COL16A1: variants seen among roughly 807,000 people sequenced by gnomAD.
COL16A1 encodes collagen type XVI alpha 1 chain.
COL16A1 carries 189 observed loss-of-function variants against 266.3 expected under a neutral mutation model. That is an observed-to-expected ratio of 0.71 (90% CI 0.63 to 0.80). COL16A1 has a LOEUF of 0.80. COL16A1 is among the 30% of genes least tolerant of loss of function. The pLI, the probability that COL16A1 is intolerant of heterozygous loss-of-function variation, is 0.00. For synonymous variants in COL16A1, 740 were observed against 782.3 expected, an observed-to-expected ratio of 0.95 and a Z score of 0.90; for missense variants, 1,928 against 2,122.4, an observed-to-expected ratio of 0.91 and a Z score of 1.80.
At chr1:31,702,283 A>C in intron 1 of COL16A1, 56 bp from the exon 2 acceptor site, 2 of 1,575,462 alleles carry the variant, frequency 1.3e-6, no homozygotes, top group Non-Finnish European at 1.7e-6. Context: ...GCACAACTCC[A>C]CACGTGGGCA....
rs754604639 is a variant in COL16A1 at position 31,686,346 on chromosome 1, C to T, written c.1804-67G>A. 9 of 1,608,702 alleles carry T rather than the reference C, an allele frequency of 5.6e-6. No homozygotes were observed. The African/African-American group carries it at 1.2e-4, about 21-fold the overall frequency. ...GTCTGGGTGCTAGAGCAATCCCAAACCCAAAACTGTAAAAGCAACCCCTTC... is the reference window on the plus strand; with the variant it reads ...GTCTGGGTGCTAGAGCAATCCCAAATCCAAAACTGTAAAAGCAACCCCTTC... On this transcript the variant is annotated intron_variant, in intron 26 of 70. Transcript: ENST00000373672.
chr1:31,702,360 G>A (rs1157112508), intron 1 of COL16A1, 133 bp from the exon 2 acceptor site: 4 of 861,324 alleles, frequency 4.6e-6, no homozygotes, highest in Non-Finnish European at 7.3e-6. Flanking sequence ...CCAGGCATCA[G>A]TCTCTCTCAG....
In COL16A1 at chr1:31,670,841, C is replaced by G. The variant is rs1454963236; in HGVS notation, c.3151-195G>C. Among the ~76,000 whole-genome samples the G allele has an allele frequency of 6.6e-6, 1 of 152,220 alleles. No homozygotes were observed. Among genetic ancestry groups the G allele is most frequent in the Non-Finnish European group, 1.5e-5 (1 of 68,036 alleles). ...CTCCCCTTGGCTCCAGGAAGAATGG[C>G]TCCTCCGTTGACGGAGATGCGGAAT... On this transcript the variant is annotated intron_variant, in intron 48 of 70. Transcript: ENST00000373672. The surrounding 1 kb of genome is among the most constrained non-coding windows in gnomAD (Gnocchi z 4.5).
intron 58 of COL16A1, 73 bp downstream of exon 58, chr1:31,662,261 G>A (rs1641735623): frequency 3.8e-6 from 6 of 1,568,748 alleles, no homozygotes; most frequent in Non-Finnish European, 5.2e-6. Context: ...TTTCCATCAG[G>A]GTTCCCTTGA....
rs1046314964 is a variant in COL16A1, at chr1:31,668,498, G to A, written c.3250-280C>T. On this transcript the variant is annotated intron_variant, in intron 50 of 70. Transcript: ENST00000373672. The surrounding 1 kb of genome is among the most constrained non-coding windows in gnomAD (Gnocchi z 5.8). ...AGCAGGCATGAGGACCAGGGAAGAG[G>A]GGGTGGGCTGGGATGCTGAGTGACA... 2.0e-5 allele frequency among the ~76,000 whole-genome samples: 3 copies of A among 152,208 alleles called. No individual in the cohort carries two copies. The highest frequency in any genetic ancestry group is 2.9e-5 in the Non-Finnish European group (2 of 68,026).
chr1:31,692,964 C>A (rs1051519791), intron 13 of COL16A1, 128 bp downstream of exon 13: 3 of 946,840 alleles, frequency 3.2e-6, no homozygotes, highest in Admixed American at 2.1e-5. Context: ...CTGGCCCTCA[C>A]CCCCCTCCCG....
intron 60 of COL16A1, 119 bp from the exon 61 acceptor site, chr1:31,661,238 A>C: frequency 6.8e-7 from 1 of 1,471,680 alleles, no homozygotes; most frequent in Non-Finnish European, 9.3e-7. Context: ...AGGCCCTCTG[A>C]TGCCCTCCAG....
At chr1:31,665,446 C>A in intron 55 of COL16A1, 137 bp downstream of exon 55, 1 of 1,528,124 alleles carries the variant, frequency 6.5e-7, no homozygotes, top group African/African-American at 1.4e-5. Flanking sequence ...GGAATCAGGC[C>A]TGGCCACCCA....
At chr1:31,684,497 G>T (rs763451573) in intron 31 of COL16A1, 26 bp downstream of exon 31, 2 of 1,598,634 alleles carry the variant, frequency 1.3e-6, no homozygotes, top group Non-Finnish European at 1.7e-6. Context: ...CAAACTCCCC[G>T]ACCCCAACCA....
intron 26 of COL16A1, among the ~76,000 whole-genome samples, chr1:31,687,378 T>C (rs1570534673): frequency 1.7e-5 from 2 of 114,594 alleles, no homozygotes; most frequent in African/African-American, 7.5e-5. Context: ...TGAGACTCAG[T>C]CTCAAAAAAA....
At chr1:31,667,521 A>T in intron 52 of COL16A1, 54 bp downstream of exon 52, 1 of 1,473,534 alleles carries the variant, frequency 6.8e-7, no homozygotes, top group Non-Finnish European at 9.3e-7. Flanking sequence ...CCAGCCCGAG[A>T]CTGTGTGGCT....
intron 63 of COL16A1, 41 bp from the exon 64 acceptor site, chr1:31,658,618 A>G: frequency 1.3e-6 from 2 of 1,530,214 alleles, no homozygotes; most frequent in Non-Finnish European, 1.8e-6. Context: ...GGAGGAAAGC[A>G]GGCAAAGTGG....
chr1:31,668,557 G>A lies in COL16A1; in HGVS notation c.3249+245C>T, dbSNP rs1231153231. ...GGGAGGGAGGGGAGCCCCCAGGGAC[G>A]CTGCTGGAGGACAGGGGCTGTGCAT... On this transcript the variant is annotated intron_variant, in intron 50 of 70. Coordinates refer to ENST00000373672, the MANE Select transcript of COL16A1 (RefSeq NM_001856.4). The surrounding 1 kb of genome is among the most constrained non-coding windows in gnomAD (Gnocchi z 5.8). Among the ~76,000 whole-genome samples, 3 of 152,174 alleles carry A rather than the reference G, an allele frequency of 2.0e-5. No homozygotes were observed. Among genetic ancestry groups the A allele is most frequent in the Admixed American group, 6.5e-5 (1 of 15,286 alleles).
At chr1:31,694,348 G>C (rs960308383) in intron 11 of COL16A1, among the ~76,000 whole-genome samples, 178 bp from the exon 12 acceptor site, 1 of 152,210 alleles carries the variant, frequency 6.6e-6, no homozygotes, top group Non-Finnish European at 1.5e-5. Context: ...TCCTCAGCCT[G>C]TAACATTTGC....
chr1:31,698,614 T>A lies in COL16A1; in HGVS notation c.267-8A>T, dbSNP rs748851295. The A allele has an allele frequency of 6.2e-7, 1 of 1,613,624 alleles. No homozygotes were observed. Among genetic ancestry groups the A allele is most frequent in the East Asian group, 2.2e-5 (1 of 44,876 alleles). ...CCCCGAGGGAATACTCTTCTGGAGATGGAGCAGGGAGGGTGCCCTGAGGCT... is the reference window on the plus strand; with the variant it reads ...CCCCGAGGGAATACTCTTCTGGAGAAGGAGCAGGGAGGGTGCCCTGAGGCT... On this transcript the variant is annotated splice_polypyrimidine_tract_variant and splice_region_variant and intron_variant, in intron 4 of 70. Coordinates refer to ENST00000373672, the MANE Select transcript of COL16A1 (RefSeq NM_001856.4). This position sits in a 1 kb window ranked among gnomAD's most constrained non-coding sequence, Gnocchi z 4.1.
At chr1:31,662,753 G>A (rs921678487) in intron 56 of COL16A1, 95 bp from the exon 57 acceptor site, 9 of 1,299,638 alleles carry the variant, frequency 6.9e-6, no homozygotes, top group African/African-American at 4.6e-5. Context: ...CAAGGGTCCT[G>A]GTGACTGCTG....
chr1:31,671,895 C>T (rs1278843933), intron 47 of COL16A1, among the ~76,000 whole-genome samples: 2 of 152,342 alleles, frequency 1.3e-5, no homozygotes, highest in East Asian at 1.9e-4. Context: ...GCTAGGATCA[C>T]AGCATAAACA....
chr1:31,654,967 G>GTT, intron 67 of COL16A1, 109 bp from the exon 68 acceptor site: 2 of 384,144 alleles, frequency 5.2e-6, no homozygotes, highest in Non-Finnish European at 4.2e-6. Flanking sequence ...GCCTCCCACA[G>GTT]ATTCTTTTTT....
intron 11 of COL16A1, among the ~76,000 whole-genome samples, chr1:31,694,602 C>T (rs1248437284): frequency 1.3e-5 from 2 of 152,146 alleles, no homozygotes; most frequent in Non-Finnish European, 2.9e-5. Flanking sequence ...CCTTGGTGGA[C>T]CAATGTGGCA....
Sources: gnomAD v4.1 joint callset for allele counts (sites outside exome capture counted in the v4.1 genomes callset) on GRCh38, gnomAD v4.1.1 for gene constraint, Gnocchi (gnomAD v3.1) non-coding constraint, MANE v1.5 for transcripts, NCBI Gene and HGNC (gene_info 2026-07-23, HGNC 2026-07-21) for gene names.